The following ZNRF3 variants were observed in gnomAD, a reference collection of about 807,000 sequenced individuals.
The protein encoded by ZNRF3 is E3 ubiquitin-protein ligase ZNRF3.
ZNRF3 carries 23 observed loss-of-function variants against 72.5 expected under a neutral mutation model. That is an observed-to-expected ratio of 0.32 (90% CI 0.23 to 0.45). The LOEUF is 0.45. Among genes scored for constraint, ZNRF3 ranks in the 20% least tolerant of loss-of-function variants. The pLI is 1.00. For synonymous variants in ZNRF3, 610 were observed against 545.3 expected, an observed-to-expected ratio of 1.12 and a Z score of -1.65; for missense variants, 1,169 against 1,272.1, an observed-to-expected ratio of 0.92 and a Z score of 1.23.
At chr22:28,959,700 A>G (rs1263642091) in intron 1 of ZNRF3, among the ~76,000 whole-genome samples, 3 of 152,110 alleles carry the variant, frequency 2.0e-5, no homozygotes, top group African/African-American at 7.2e-5. Flanking sequence ...CGGTGGTGGT[A>G]TTTGGTGATG....
Position 29,050,229 on chromosome 22 carries a change from C to A in ZNRF3, c.2048C>A (p.Ser683Ter), listed in dbSNP as rs1228000610. 1.3e-6 allele frequency: 2 copies of A among 1,599,840 alleles called. No individual in the cohort carries two copies. The highest frequency in any genetic ancestry group is 1.7e-6 in the Non-Finnish European group (2 of 1,179,772). Residue 683 changes from serine (S) to a stop codon, truncating the protein, a stop_gained, in exon 8 of 9, where the codon TCA (serine) becomes TAA (stop). Transcript: ENST00000544604. LOFTEE classifies it high-confidence loss of function. ...CACAGGGGGCCCAATAGCTCTACCT[C>A]AGAAGTGGGGCTCGAGGCTTCTCCT... is the stretch of plus-strand genomic sequence containing the variant. ...LEHRGPNSST[S>*]EVGLEASPGA...
At chr22:29,031,495 C>A in intron 2 of ZNRF3, 1 of 812,502 alleles carries the variant, frequency 1.2e-6, no homozygotes. Context: ...AGCCCCCTTG[C>A]CCAGCGAGAA....
chr22:29,053,527 C>T, intron 8 of ZNRF3, 52 bp from the exon 9 acceptor site: 1 of 1,594,186 alleles, frequency 6.3e-7, no homozygotes, highest in South Asian at 1.1e-5. Flanking sequence ...TTGCCTGGTC[C>T]CATGTGTGGT....
intron 1 of ZNRF3, among the ~76,000 whole-genome samples, chr22:28,920,218 C>T (rs1601558753): frequency 6.6e-6 from 1 of 150,798 alleles, no homozygotes; most frequent in East Asian, 2.0e-4. Flanking sequence ...CACCCACCTC[C>T]CCCTCCCAAA....
At chr22:28,938,564 A>G (rs2034883591) in intron 1 of ZNRF3, among the ~76,000 whole-genome samples, 2 of 152,156 alleles carry the variant, frequency 1.3e-5, no homozygotes, top group South Asian at 4.1e-4. Flanking sequence ...AGGTTAAGTG[A>G]GCAAAAACTT....
At position 29,039,878 on chromosome 22, in the gene ZNRF3, G is replaced by A. The variant is rs1025231771; in HGVS notation, c.427-2617G>A. On this transcript the variant is annotated intron_variant, in intron 2 of 8. Coordinates refer to ENST00000544604, the MANE Select transcript of ZNRF3 (RefSeq NM_001206998.2). ...GGAGGCTGAGGCAGGAGGATCATTC[G>A]AGGCCAGGAGTTTGAGGCTGCAGTG... Among the ~76,000 whole-genome samples, 7 of 151,916 alleles carry A rather than the reference G, an allele frequency of 4.6e-5. No individual in the cohort carries two copies. In the East Asian group the frequency reaches 5.8e-4, roughly 13 times the overall value.
intron 2 of ZNRF3, among the ~76,000 whole-genome samples, chr22:29,028,471 G>A (rs1257710186): frequency 2.0e-5 from 3 of 152,170 alleles, no homozygotes; most frequent in Non-Finnish European, 4.4e-5. Context: ...TGTGTTACCA[G>A]GAAATATAAT....
chr22:28,888,003 G>C (rs1045181487), intron 1 of ZNRF3, among the ~76,000 whole-genome samples: 3 of 152,034 alleles, frequency 2.0e-5, no homozygotes, highest in African/African-American at 7.3e-5. Flanking sequence ...AGAAAAGCTT[G>C]AGAAATTCAT....
At chr22:28,940,360 A>T (rs1330949459) in intron 1 of ZNRF3, among the ~76,000 whole-genome samples, 2 of 152,180 alleles carry the variant, frequency 1.3e-5, no homozygotes, top group Non-Finnish European at 2.9e-5. Flanking sequence ...TAATCTTGAG[A>T]GGTATGGCAG....
intron 1 of ZNRF3, among the ~76,000 whole-genome samples, chr22:28,911,766 T>G (rs2034322906): frequency 6.6e-6 from 1 of 152,118 alleles, no homozygotes; most frequent in Non-Finnish European, 1.5e-5. Context: ...GTCCTGCCCC[T>G]AACCCCTCAG....
intron 1 of ZNRF3, chr22:28,917,425 G>A (rs1010551016): frequency 5.1e-6 from 5 of 985,334 alleles, no homozygotes; most frequent in Non-Finnish European, 6.0e-6. Context: ...GAGCTGGGGA[G>A]TGTCCTGTGT....
chr22:28,884,266 C>A (rs1290554981), intron 1 of ZNRF3, among the ~76,000 whole-genome samples, 200 bp downstream of exon 1: 1 of 151,954 alleles, frequency 6.6e-6, no homozygotes. Context: ...GGCGAGCGCA[C>A]GTGGGGGCTA....
chr22:29,037,367 A>G (rs1003039921), intron 2 of ZNRF3, among the ~76,000 whole-genome samples: 9 of 152,202 alleles, frequency 5.9e-5, no homozygotes, highest in Non-Finnish European at 1.2e-4. Context: ...AATTCTCATC[A>G]TAATTGGTAC....
intron 2 of ZNRF3, among the ~76,000 whole-genome samples, chr22:28,989,978 CTA>C (rs1162717801): frequency 6.6e-6 from 1 of 152,250 alleles, no homozygotes; most frequent in African/African-American, 2.4e-5. Flanking sequence ...GAAAAGAACT[CTA>C]TAAACTCATG....
chr22:28,887,256 G>A (rs993887625), intron 1 of ZNRF3, among the ~76,000 whole-genome samples: 6 of 151,850 alleles, frequency 4.0e-5, no homozygotes, highest in African/African-American at 1.2e-4. Flanking sequence ...GTGTGTGTGT[G>A]TGTGTGTGTG....
intron 1 of ZNRF3, among the ~76,000 whole-genome samples, chr22:28,974,400 G>A (rs1253726654): frequency 6.6e-6 from 1 of 152,198 alleles, no homozygotes; most frequent in Non-Finnish European, 1.5e-5. Context: ...GTCAGCAGAT[G>A]CATATACATT....
intron 1 of ZNRF3, among the ~76,000 whole-genome samples, chr22:28,888,411 T>G (rs2033828228): frequency 6.6e-6 from 1 of 152,230 alleles, no homozygotes; most frequent in Admixed American, 6.5e-5. Context: ...TGACCTGGAT[T>G]TAGACAGAAA....
intron 2 of ZNRF3, among the ~76,000 whole-genome samples, chr22:29,007,672 G>A (rs1370366218): frequency 1.3e-5 from 2 of 149,820 alleles, no homozygotes; most frequent in African/African-American, 2.5e-5. Context: ...GCTCCTGATC[G>A]TTCCCTTTTG....
At chr22:28,929,729 T>C (rs771936969) in intron 1 of ZNRF3, among the ~76,000 whole-genome samples, 1 of 152,220 alleles carries the variant, frequency 6.6e-6, no homozygotes, top group Non-Finnish European at 1.5e-5. Context: ...ATTTTCACAC[T>C]TTAGCAGAAG....
Sources: allele counts gnomAD v4.1 joint callset (sites outside exome capture counted in the v4.1 genomes callset), GRCh38; gene constraint gnomAD v4.1.1; transcripts MANE v1.5; gene names NCBI Gene and HGNC (gene_info 2026-07-23, HGNC 2026-07-21).